The following SNIP1 variants were observed in gnomAD, a reference collection of about 807,000 sequenced individuals.
SNIP1 encodes Smad nuclear interacting protein 1, also known as smad nuclear-interacting protein 1.
SNIP1 carries 23 observed loss-of-function variants against 37.4 expected under a neutral mutation model. The observed-to-expected ratio is 0.61, with a 90% CI of 0.44 to 0.87. The LOEUF is 0.87. Ranked by LOEUF, SNIP1 falls within the 40% of genes least tolerant of loss-of-function variation. The pLI, the probability that SNIP1 is intolerant of heterozygous loss-of-function variation, is 0.00. For missense variants in SNIP1, 459 were observed against 540.4 expected, an observed-to-expected ratio of 0.85 and a Z score of 1.49; for synonymous variants, 174 against 200.0, an observed-to-expected ratio of 0.87 and a Z score of 1.10.
intron 3 of SNIP1, among the ~76,000 whole-genome samples, chr1:37,539,054 C>T (rs1643135421): frequency 6.6e-6 from 1 of 152,124 alleles, no homozygotes; most frequent in African/African-American, 2.4e-5. Context: ...TGATCTGTCA[C>T]TGTCACCCAT....
intron 2 of SNIP1, among the ~76,000 whole-genome samples, chr1:37,550,856 G>A (rs1373690963): frequency 6.6e-6 from 1 of 152,214 alleles, no homozygotes; most frequent in African/African-American, 2.4e-5. Context: ...AGCACTTCGG[G>A]AGGCCGAGGC....
chr1:37,545,083 G>A, intron 2 of SNIP1: 1 of 747,364 alleles, frequency 1.3e-6, no homozygotes, highest in Non-Finnish European at 2.5e-6. Flanking sequence ...AAAAACTTGG[G>A]AATCAGTCAC....
intron 2 of SNIP1, chr1:37,545,368 T>C (rs907875494): frequency 6.8e-5 from 35 of 516,178 alleles, no homozygotes; most frequent in Non-Finnish European, 9.0e-5. Flanking sequence ...GCATGCATGT[T>C]GGGGTCTCCT....
rs1249800304 is a variant in SNIP1, at chr1:37,536,271, T to G, written c.*1477A>C. The stretch of plus-strand genomic sequence containing the variant: ...ATAAAAACAATGGAAAACAATCAAA[T>G]TTAATAGTATCCTAAGTCTCAACCC... On this transcript the variant is annotated 3_prime_UTR_variant, in exon 4 of 4. Transcript: ENST00000296215. 6.6e-6 allele frequency: 1 copy of G among 152,214 alleles called. No homozygotes were observed. The highest frequency in any genetic ancestry group is 2.4e-5 in the African/African-American group (1 of 41,456). 9.4% of individuals were successfully genotyped at this position (152,214 alleles called of 1,614,324 possible). A position where few individuals can be genotyped will look rare whatever the true frequency, so the allele number is the denominator to read the frequency against.
In SNIP1 at chr1:37,537,617, G is replaced by A. The variant is rs1643114215; in HGVS notation, c.*131C>T. On this transcript the variant is annotated 3_prime_UTR_variant, in exon 4 of 4. Coordinates refer to ENST00000296215, the MANE Select transcript of SNIP1 (RefSeq NM_024700.4). ...TAACACAATCTGGTCAGCAACAGAGGAAAGACTTAAGGCAGTAAGAGGCAT... is the reference window on the plus strand; with the variant it reads ...TAACACAATCTGGTCAGCAACAGAGAAAAGACTTAAGGCAGTAAGAGGCAT... 1 of 970,010 alleles carries A rather than the reference G, an allele frequency of 1.0e-6. No individual in the cohort carries two copies. The highest frequency in any genetic ancestry group is 2.5e-5 in the Admixed American group (1 of 40,464). 60.1% of individuals were successfully genotyped at this position (970,010 alleles called of 1,614,324 possible).
At position 37,536,542 on chromosome 1, in the gene SNIP1, A is replaced by G. The variant is rs1643096648; in HGVS notation, c.*1206T>C. 1 of 152,520 alleles carries G rather than the reference A, an allele frequency of 6.6e-6. No individual in the cohort carries two copies. The highest frequency in any genetic ancestry group is 1.5e-5 in the Non-Finnish European group (1 of 68,042). The allele number at this position is 152,520 out of a possible 1,614,324, so 9.4% of individuals were successfully genotyped here. ...AAGCATTACTCTTTGAAATGGGGCT[A>G]TATTTACAAATTTTATTTTTTTATC... On this transcript the variant is annotated 3_prime_UTR_variant, in exon 4 of 4. Transcript: ENST00000296215.
chr1:37,547,497 G>C (rs1643254479), intron 2 of SNIP1, among the ~76,000 whole-genome samples: 1 of 152,118 alleles, frequency 6.6e-6, no homozygotes, highest in East Asian at 1.9e-4. Flanking sequence ...ACTTTGGGAG[G>C]CTGAGGCAGG....
At chr1:37,544,886 G>A (rs1258469157) in intron 2 of SNIP1, 2 of 1,013,450 alleles carry the variant, frequency 2.0e-6, no homozygotes, top group Non-Finnish European at 3.1e-6. Context: ...CCACAATGAT[G>A]TGGCTTTGAA....
In SNIP1 at chr1:37,551,200, G is replaced by A. The variant is rs114739188; in HGVS notation, c.327+1445C>T. 4.0e-3 allele frequency among the ~76,000 whole-genome samples: 598 copies of A among 151,372 alleles called. 6 individuals carry two copies. The highest frequency in any genetic ancestry group is 0.014 in the African/African-American group (570 of 41,192). ...CAGGAGAATCGTTTGAACTCAGAAG[G>A]CGGAGGTCGCAGTGAGCCGAGATCG... On this transcript the variant is annotated intron_variant, in intron 2 of 3. Coordinates refer to ENST00000296215, the MANE Select transcript of SNIP1 (RefSeq NM_024700.4).
intron 2 of SNIP1, among the ~76,000 whole-genome samples, chr1:37,547,257 G>T (rs1000526355): frequency 6.6e-6 from 1 of 152,202 alleles, no homozygotes; most frequent in Non-Finnish European, 1.5e-5. Context: ...ATGGGAGAAG[G>T]CCATGTGATG....
Position 37,536,276 on chromosome 1 carries a change from T to C in SNIP1, c.*1472A>G, listed in dbSNP as rs1054116172. On this transcript the variant is annotated 3_prime_UTR_variant, in exon 4 of 4. Transcript: ENST00000296215. Reference sequence around the variant, plus strand: ...AACAATGGAAAACAATCAAATTTAATAGTATCCTAAGTCTCAACCCAAGAG... The same window carrying C: ...AACAATGGAAAACAATCAAATTTAACAGTATCCTAAGTCTCAACCCAAGAG... The C allele has an allele frequency of 3.9e-5, 6 of 152,232 alleles. No homozygotes were observed. Among genetic ancestry groups the C allele is most frequent in the Non-Finnish European group, 8.8e-5 (6 of 68,038 alleles). 9.4% of individuals were successfully genotyped at this position (152,232 alleles called of 1,614,324 possible). A position where few individuals can be genotyped will look rare whatever the true frequency, so the allele number is the denominator to read the frequency against.
rs779443322 is a variant in SNIP1, at chr1:37,540,538, T to A, written c.545A>T (p.Tyr182Phe). 1.2e-6 allele frequency: 2 copies of A among 1,614,002 alleles called. No individual in the cohort carries two copies. Among genetic ancestry groups the A allele is most frequent in the East Asian group, 4.5e-5 (2 of 44,898 alleles). ...GCGATGCTCCCGTCGCCTGGCATTA[T>A]AAAACTCCCGCTCTTCTTCCTGAGC... ...LQAQEEEREFYNARRREHRQR... is the reference protein window; with the variant it reads ...LQAQEEEREFFNARRREHRQR... The change falls in exon 3 of 4, where the codon TAT becomes TTT. Residue 182 changes from tyrosine to phenylalanine, a missense_variant. By Grantham distance (22) the Tyr-to-Phe change is conservative (BLOSUM62 3). Coordinates refer to ENST00000296215, the MANE Select transcript of SNIP1 (RefSeq NM_024700.4). This position sits in a 1 kb window ranked among gnomAD's most constrained non-coding sequence, Gnocchi z 5.6.
intron 2 of SNIP1, chr1:37,541,459 TCCAGACCAGCCTGACCAACA>T (rs970209334): frequency 6.6e-6 from 1 of 152,092 alleles, no homozygotes; most frequent in Non-Finnish European, 1.5e-5. Context: ...GGTCAGGAGT[TCCAGACCAGCCTGACCAACA>T]TGATGAAACC....
At chr1:37,548,222 C>A (rs114531441) in intron 2 of SNIP1, among the ~76,000 whole-genome samples, 7,695 of 150,774 alleles carry the variant, frequency 0.051, 292 homozygotes, top group Non-Finnish European at 0.077. Flanking sequence ...CTGTGAATAT[C>A]CTTCTGTATA....
At chr1:37,543,069 A>C (rs1178099079) in intron 2 of SNIP1, among the ~76,000 whole-genome samples, 2 of 152,120 alleles carry the variant, frequency 1.3e-5, no homozygotes, top group Non-Finnish European at 2.9e-5. Flanking sequence ...AAAAAAAAAA[A>C]AAGAATTACA....
chr1:37,538,809 C>T lies in SNIP1; in HGVS notation c.927-797G>A, dbSNP rs900965916. On this transcript the variant is annotated intron_variant, in intron 3 of 3. Transcript: ENST00000296215. Reference sequence around the variant, plus strand: ...CCTGGGCCATGGACTGGTACCAGTCCGTGGCCTGTTAGGAACCGGACCACA... The same window carrying T: ...CCTGGGCCATGGACTGGTACCAGTCTGTGGCCTGTTAGGAACCGGACCACA... Among the ~76,000 whole-genome samples, 13 of 152,082 alleles carry T rather than the reference C, an allele frequency of 8.5e-5. No individual in the cohort carries two copies. In the South Asian group the frequency reaches 1.2e-3, roughly 15 times the overall value.
chr1:37,540,047 C>CA lies in SNIP1; in HGVS notation c.926+109dup, dbSNP rs1221459596. On this transcript the variant is annotated intron_variant, in intron 3 of 3. Transcript: ENST00000296215. The surrounding 1 kb of genome is among the most constrained non-coding windows in gnomAD (Gnocchi z 5.6). ...TAGATTAACAATACTCTTTAGATAA[C>CA]ATATGAGGGGTATGGGATTCTTCTG... The CA allele has an allele frequency of 7.0e-5, 60 of 859,478 alleles. No homozygotes were observed. The highest frequency in any genetic ancestry group is 9.8e-5 in the Non-Finnish European group (53 of 542,824). The allele number at this position is 859,478 out of a possible 1,614,324, so 53.2% of individuals were successfully genotyped here.
intron 2 of SNIP1, among the ~76,000 whole-genome samples, chr1:37,547,355 G>A (rs771456855): frequency 5.3e-5 from 8 of 152,120 alleles, no homozygotes; most frequent in Non-Finnish European, 1.2e-4. Context: ...TTTTGGGGAC[G>A]AGAGAAGTAA....
intron 1 of SNIP1, 93 bp downstream of exon 1, chr1:37,553,913 C>A: frequency 7.7e-7 from 1 of 1,303,800 alleles, no homozygotes; most frequent in Non-Finnish European, 1.1e-6. Flanking sequence ...GGCTGCTGCG[C>A]CCACCATTCA....
Sources: allele counts gnomAD v4.1 joint callset (sites outside exome capture counted in the v4.1 genomes callset), GRCh38; gene constraint gnomAD v4.1.1; non-coding constraint Gnocchi (gnomAD v3.1); transcripts MANE v1.5; gene names NCBI Gene and HGNC (gene_info 2026-07-23, HGNC 2026-07-21).